ANKRD36C: variants seen among roughly 807,000 people sequenced by gnomAD.
The protein encoded by ANKRD36C is ankyrin repeat domain-containing protein 36C.
ANKRD36C carries 61 observed loss-of-function variants against 276.4 expected under a neutral mutation model. The observed-to-expected ratio is 0.22, with a 90% CI of 0.18 to 0.27. ANKRD36C has a LOEUF of 0.27. ANKRD36C is among the 10% of genes least tolerant of loss of function. ANKRD36C has a pLI of 1.00. For synonymous variants in ANKRD36C, 483 were observed against 680.1 expected, an observed-to-expected ratio of 0.71 and a Z score of 4.51; for missense variants, 1,447 against 2,032.3, an observed-to-expected ratio of 0.71 and a Z score of 5.54.
chr2:95,860,884 T>G (rs1339067624), intron 60 of ANKRD36C, among the ~76,000 whole-genome samples: 1 of 152,066 alleles, frequency 6.6e-6, no homozygotes, highest in Non-Finnish European at 1.5e-5. Context: ...TCTTGGGTAT[T>G]TAGTGGAGTA....
chr2:95,964,374 A>G (rs1484306835), intron 6 of ANKRD36C, among the ~76,000 whole-genome samples: 10 of 151,688 alleles, frequency 6.6e-5, no homozygotes, highest in Admixed American at 1.3e-4. Context: ...CCTCCAAATT[A>G]CCTAGCTAGC....
At chr2:95,915,358 T>G (rs1677061220) in intron 38 of ANKRD36C, among the ~76,000 whole-genome samples, 2 of 151,512 alleles carry the variant, frequency 1.3e-5, no homozygotes, top group South Asian at 4.1e-4. Context: ...TTATGCCAAT[T>G]CAAGCACTGT....
At chr2:95,917,969 T>C (rs757689793) in intron 35 of ANKRD36C, 42 bp from the exon 38 acceptor site, 6 of 1,598,530 alleles carry the variant, frequency 3.8e-6, no homozygotes, top group Admixed American at 1.7e-5. Flanking sequence ...AATAAATCAA[T>C]GAAGTATGTG....
At chr2:95,890,845 T>G (rs1003834262) in intron 46 of ANKRD36C, among the ~76,000 whole-genome samples, 2 of 151,536 alleles carry the variant, frequency 1.3e-5, no homozygotes, top group Non-Finnish European at 3.0e-5. Context: ...AAATAGACTT[T>G]TTGGGAGGAC....
chr2:95,981,126 A>G (rs1678906350), intron 4 of ANKRD36C, among the ~76,000 whole-genome samples: 1 of 151,920 alleles, frequency 6.6e-6, no homozygotes, highest in Non-Finnish European at 1.5e-5. Flanking sequence ...ACTATACATT[A>G]TAATGCAAAA....
chr2:95,931,013 T>C (rs1003843584), intron 24 of ANKRD36C, among the ~76,000 whole-genome samples: 3 of 151,652 alleles, frequency 2.0e-5, no homozygotes, highest in African/African-American at 7.2e-5. Flanking sequence ...AGCTGCTTTC[T>C]TTGTTTACAC....
At position 95,885,965 on chromosome 2, in the gene ANKRD36C, TG is replaced by T. The variant is rs1676191500; in HGVS notation, c.3163+82del. ...GCTGAATCCAAACATAAAGCTTCAA[TG>T]AACCCCCCGCTGATTTATTTGGGGA... On this transcript the variant is annotated intron_variant, in intron 52 of 66. Coordinates refer to ENST00000456556, the Ensembl canonical transcript of ANKRD36C. 4 of 1,558,208 alleles carry T rather than the reference TG, an allele frequency of 2.6e-6. No individual in the cohort carries two copies. The African/African-American group carries it at 4.1e-5, about 16-fold the overall frequency.
intron 6 of ANKRD36C, among the ~76,000 whole-genome samples, chr2:95,974,017 C>T (rs1315868725): frequency 6.6e-6 from 1 of 151,066 alleles, no homozygotes; most frequent in Non-Finnish European, 1.5e-5. Flanking sequence ...CACTATTGTG[C>T]TCTAGCCTGG....
intron 6 of ANKRD36C, among the ~76,000 whole-genome samples, chr2:95,972,772 G>A (rs535418014): frequency 2.0e-5 from 3 of 152,088 alleles, no homozygotes; most frequent in Middle Eastern, 3.4e-3. Flanking sequence ...AATCCATAAA[G>A]GAATAGAAAT....
chr2:95,851,279 C>T, intron 66 of ANKRD36C, 84 bp from the exon 87 acceptor site: 1 of 937,990 alleles, frequency 1.1e-6, no homozygotes, highest in Non-Finnish European at 1.7e-6. Flanking sequence ...CAAGGAGCAT[C>T]TGTACTGTAG....
At chr2:95,889,466 A>G (rs889533575) in intron 48 of ANKRD36C, among the ~76,000 whole-genome samples, 1 of 151,512 alleles carries the variant, frequency 6.6e-6, no homozygotes, top group Non-Finnish European at 1.5e-5. Flanking sequence ...TCTAATATCT[A>G]TTACTTCATC....
At chr2:95,966,793 T>C (rs1323679112) in intron 6 of ANKRD36C, among the ~76,000 whole-genome samples, 6 of 152,202 alleles carry the variant, frequency 3.9e-5, no homozygotes, top group Admixed American at 6.5e-5. Context: ...TTTCTAACCA[T>C]GAGCATGGAG....
At chr2:95,889,870 G>C (rs1291162250) in exon 48 of ANKRD36C, 4 of 1,605,522 alleles carry the variant, frequency 2.5e-6, no homozygotes, top group Non-Finnish European at 3.4e-6. Flanking sequence ...GTCACTTGTA[G>C]CCTGAATGGA....
chr2:95,949,312 A>G (rs1436697084), intron 16 of ANKRD36C, among the ~76,000 whole-genome samples: 1 of 152,192 alleles, frequency 6.6e-6, no homozygotes, highest in African/African-American at 2.4e-5. Flanking sequence ...GTCCACAAAA[A>G]CCAGCAAGCT....
At chr2:95,896,327 G>T (rs1315537915) in intron 44 of ANKRD36C, among the ~76,000 whole-genome samples, 1 of 148,942 alleles carries the variant, frequency 6.7e-6, no homozygotes, top group Non-Finnish European at 1.5e-5. Context: ...AAAGTCAAAT[G>T]GCTACAAGCA....
chr2:95,953,856 G>T (rs1290515736), intron 14 of ANKRD36C, 83 bp downstream of exon 14: 21 of 1,318,324 alleles, frequency 1.6e-5, no homozygotes, highest in Non-Finnish European at 2.1e-5. Context: ...ATGATAGGTA[G>T]ACAACTGCTA....
exon 1 of ANKRD36C, chr2:95,991,631 G>A (rs547552481): frequency 1.2e-6 from 2 of 1,614,094 alleles, no homozygotes; most frequent in Admixed American, 3.3e-5. Flanking sequence ...GTTTAATGGG[G>A]TATTGGGGAA....
intron 6 of ANKRD36C, among the ~76,000 whole-genome samples, chr2:95,963,986 T>A (rs13419492): frequency 0.016 from 305 of 18,928 alleles, 1 homozygote; most frequent in African/African-American, 0.089. Context: ...TATATATATA[T>A]ATATATATAT....
chr2:95,914,029 C>G, intron 40 of ANKRD36C, 79 bp downstream of exon 42: 2 of 1,372,790 alleles, frequency 1.5e-6, no homozygotes, highest in South Asian at 1.3e-5. Flanking sequence ...TTCAACGAGC[C>G]CCCCGCTGAT....
Sources: gnomAD v4.1 joint callset for allele counts (sites outside exome capture counted in the v4.1 genomes callset) on GRCh38, gnomAD v4.1.1 for gene constraint, MANE v1.5 for transcripts, NCBI Gene and HGNC (gene_info 2026-07-23, HGNC 2026-07-21) for gene names.